Variants in LHFPL3 observed in about 807,000 individuals in gnomAD.
LHFPL3 encodes the protein LHFPL tetraspan subfamily member 3, also known as LHFPL tetraspan subfamily member 3 protein.
LHFPL3 carries 5 observed loss-of-function variants against 19.3 expected under a neutral mutation model. That is an observed-to-expected ratio of 0.26 (90% CI 0.14 to 0.54). The LOEUF is 0.54. Ranked by LOEUF, LHFPL3 falls within the 20% of genes least tolerant of loss-of-function variation. LHFPL3 has a pLI of 0.94. For missense variants in LHFPL3, 249 were observed against 307.4 expected (o/e 0.81, Z 1.42); for synonymous variants, 133 against 126.2 (o/e 1.05, Z -0.36).
At chr7:104,583,991 A>G (rs1790513085) in intron 1 of LHFPL3, among the ~76,000 whole-genome samples, 1 of 152,156 alleles carries the variant, frequency 6.6e-6, no homozygotes, top group South Asian at 2.1e-4. Context: ...TCATGCTGCT[A>G]TAAAGACACA....
At chr7:104,710,788 G>A (rs1463917108) in intron 1 of LHFPL3, among the ~76,000 whole-genome samples, 1 of 152,130 alleles carries the variant, frequency 6.6e-6, no homozygotes, top group African/African-American at 2.4e-5. Flanking sequence ...TATTATTTTT[G>A]CATTGTCAAA....
At chr7:104,649,421 G>T (rs574928897) in intron 1 of LHFPL3, among the ~76,000 whole-genome samples, 34 of 152,266 alleles carry the variant, frequency 2.2e-4, no homozygotes, top group African/African-American at 8.2e-4. Context: ...GGGGGAGAGG[G>T]TCTTCTGGTA....
chr7:104,703,916 C>A (rs1011121829), intron 1 of LHFPL3, among the ~76,000 whole-genome samples: 2 of 152,174 alleles, frequency 1.3e-5, no homozygotes, highest in South Asian at 2.1e-4. Flanking sequence ...TTAGCTCCCC[C>A]ACAGTTGTCA....
At chr7:104,635,401 G>C (rs1468459257) in intron 1 of LHFPL3, among the ~76,000 whole-genome samples, 1 of 152,220 alleles carries the variant, frequency 6.6e-6, no homozygotes, top group East Asian at 1.9e-4. Flanking sequence ...GAACATCAGG[G>C]AAAATGAGAG....
At chr7:104,356,912 G>A (rs1028206954) in intron 1 of LHFPL3, among the ~76,000 whole-genome samples, 12 of 152,300 alleles carry the variant, frequency 7.9e-5, no homozygotes, top group Admixed American at 5.9e-4. Context: ...GCGGGCTAGC[G>A]AGCACTGCTG....
intron 2 of LHFPL3, among the ~76,000 whole-genome samples, chr7:104,834,018 T>A (rs1791041802): frequency 6.7e-6 from 1 of 149,766 alleles, no homozygotes; most frequent in Admixed American, 6.7e-5. Context: ...GAGTCCGATG[T>A]TTGAGGGCAG....
chr7:104,420,531 A>C (rs1169491542), intron 1 of LHFPL3, among the ~76,000 whole-genome samples: 1 of 149,564 alleles, frequency 6.7e-6, no homozygotes, highest in African/African-American at 2.5e-5. Flanking sequence ...GTACGTGGTT[A>C]CTGGTGGCCT....
intron 2 of LHFPL3, among the ~76,000 whole-genome samples, chr7:104,805,171 C>T (rs1790333625): frequency 6.6e-6 from 1 of 152,184 alleles, no homozygotes. Flanking sequence ...TTCAGAGAAA[C>T]CATCTGACTG....
chr7:104,363,730 T>C (rs1383533498), intron 1 of LHFPL3, among the ~76,000 whole-genome samples: 2 of 152,216 alleles, frequency 1.3e-5, no homozygotes, highest in African/African-American at 2.4e-5. Flanking sequence ...TGGGACTGCA[T>C]ATAGCAGAGG....
chr7:104,463,277 C>T (rs753027780), intron 1 of LHFPL3, among the ~76,000 whole-genome samples: 3 of 152,156 alleles, frequency 2.0e-5, no homozygotes, highest in Non-Finnish European at 2.9e-5. Flanking sequence ...CTTCTGCTAG[C>T]TTTAGAGTTG....
chr7:104,557,535 A>G (rs992378248), intron 1 of LHFPL3, among the ~76,000 whole-genome samples: 4 of 152,154 alleles, frequency 2.6e-5, no homozygotes, highest in Non-Finnish European at 5.9e-5. Flanking sequence ...CCCACAACAC[A>G]TGGGAATTGT....
At chr7:104,389,281 C>A (rs1791011562) in intron 1 of LHFPL3, among the ~76,000 whole-genome samples, 1 of 152,160 alleles carries the variant, frequency 6.6e-6, no homozygotes, top group Non-Finnish European at 1.5e-5. Context: ...ACAATAGCAT[C>A]AAAAATAATA....
At chr7:104,876,708 G>A (rs2116672380) in intron 2 of LHFPL3, among the ~76,000 whole-genome samples, 1 of 152,118 alleles carries the variant, frequency 6.6e-6, no homozygotes, top group South Asian at 2.1e-4. Flanking sequence ...CACTGTGGAA[G>A]TCAGTGTGGC....
In LHFPL3 at chr7:104,728,737, T is replaced by G. The variant is rs146951480; in HGVS notation, c.446-7938T>G. On this transcript the variant is annotated intron_variant, in intron 1 of 2. Transcript: ENST00000424859. ...CTATTTTATTTGTATGCTTACTCAT[T>G]TTTCGCCTCTTCTCCTGACAAAACA... Among the ~76,000 whole-genome samples the G allele has an allele frequency of 1.8e-3, 272 of 152,268 alleles. 3 individuals carry two copies. Among genetic ancestry groups the G allele is most frequent in the Non-Finnish European group, 2.6e-3 (178 of 68,022 alleles).
intron 1 of LHFPL3, among the ~76,000 whole-genome samples, chr7:104,398,437 T>C (rs1209708172): frequency 6.6e-6 from 1 of 152,208 alleles, no homozygotes; most frequent in African/African-American, 2.4e-5. Flanking sequence ...TTTCTTCATG[T>C]TGTTTGTGGA....
chr7:104,898,827 A>G (rs1792421905), intron 2 of LHFPL3, among the ~76,000 whole-genome samples: 1 of 151,808 alleles, frequency 6.6e-6, no homozygotes, highest in Non-Finnish European at 1.5e-5. Context: ...GTCTAAAAAA[A>G]AATTATTGGC....
intron 1 of LHFPL3, among the ~76,000 whole-genome samples, chr7:104,636,527 C>T (rs1336440547): frequency 6.6e-6 from 1 of 152,066 alleles, no homozygotes; most frequent in African/African-American, 2.4e-5. Flanking sequence ...ACTCTCCTTC[C>T]TCCCACCCTT....
Position 104,410,196 on chromosome 7 carries a change from A to C in LHFPL3, c.445+80972A>C, listed in dbSNP as rs1365752008. Among the ~76,000 whole-genome samples the C allele has an allele frequency of 2.6e-5, 4 of 151,982 alleles. No individual in the cohort carries two copies. In the East Asian group the frequency reaches 7.7e-4, roughly 29 times the overall value. On this transcript the variant is annotated intron_variant, in intron 1 of 2. Coordinates refer to ENST00000424859, the MANE Select transcript of LHFPL3 (RefSeq NM_199000.3). ...TGCCCAGGCTGGAGTGCAATGGTGC[A>C]ATCTTGGCTCACTGCAACCTCCACC...
intron 1 of LHFPL3, among the ~76,000 whole-genome samples, chr7:104,392,573 C>T (rs913777875): frequency 1.3e-5 from 2 of 152,164 alleles, no homozygotes; most frequent in Non-Finnish European, 1.5e-5. Context: ...TGATGTGCTG[C>T]TGGATTTGGT....
Sources: gnomAD v4.1 joint callset for allele counts (sites outside exome capture counted in the v4.1 genomes callset) on GRCh38, gnomAD v4.1.1 for gene constraint, MANE v1.5 for transcripts, NCBI Gene and HGNC (gene_info 2026-07-23, HGNC 2026-07-21) for gene names.